FBXW11: variants seen among roughly 807,000 people sequenced by gnomAD.
FBXW11 encodes the protein F-box/WD repeat-containing protein 11.
A neutral mutation model predicts 77.6 loss-of-function variants in FBXW11; 19 were observed. The observed-to-expected ratio is 0.24, with a 90% CI of 0.17 to 0.36. The LOEUF (loss-of-function observed/expected upper bound fraction) is 0.36, where lower values mean the gene tolerates loss of function less well. Among genes scored for constraint, FBXW11 ranks in the 10% least tolerant of loss-of-function variants. FBXW11 has a pLI of 1.00. For synonymous variants in FBXW11, 235 were observed against 249.4 expected (o/e 0.94, Z 0.54); for missense variants, 334 against 704.2 (o/e 0.47, Z 5.95).
intron 2 of FBXW11, among the ~76,000 whole-genome samples, chr5:171,929,217 A>T (rs957249764): frequency 8.5e-5 from 13 of 152,128 alleles, no homozygotes; most frequent in Admixed American, 2.6e-4. Flanking sequence ...AAAAATATTT[A>T]AAAAATGAGC....
At chr5:171,889,756 C>T (rs761348059) in intron 7 of FBXW11, among the ~76,000 whole-genome samples, 58 of 151,876 alleles carry the variant, frequency 3.8e-4, no homozygotes, top group Non-Finnish European at 6.9e-4. Flanking sequence ...GGCATGGTGG[C>T]TCATGCCTAT....
intron 1 of FBXW11, among the ~76,000 whole-genome samples, chr5:171,981,832 C>T (rs60138364): frequency 0.026 from 4,003 of 152,194 alleles, 168 homozygotes; most frequent in African/African-American, 0.091. Context: ...GTTATATACT[C>T]ATATAATGCA....
intron 2 of FBXW11, among the ~76,000 whole-genome samples, chr5:171,932,983 TAGTC>T (rs1431462300): frequency 3.6e-5 from 5 of 139,708 alleles, no homozygotes; most frequent in Non-Finnish European, 7.7e-5. Flanking sequence ...AAAAAAAATT[TAGTC>T]AGGCAAGGTA....
chr5:171,997,597 A>G (rs1766137422), intron 1 of FBXW11, among the ~76,000 whole-genome samples: 3 of 152,242 alleles, frequency 2.0e-5, no homozygotes, highest in Admixed American at 1.3e-4. Flanking sequence ...TTCAAAACAT[A>G]TAACTGAAGA....
At chr5:171,912,837 G>C (rs1561676404) in intron 3 of FBXW11, among the ~76,000 whole-genome samples, 1 of 152,014 alleles carries the variant, frequency 6.6e-6, no homozygotes, top group Non-Finnish European at 1.5e-5. Flanking sequence ...TTGAACCTGG[G>C]AGGCGGAGGG....
intron 1 of FBXW11, among the ~76,000 whole-genome samples, chr5:171,966,015 GCTTGTTTCCC>G (rs1355441214): frequency 6.6e-6 from 1 of 152,062 alleles, no homozygotes; most frequent in Admixed American, 6.6e-5. Context: ...GGTAAGACAT[GCTTGTTTCCC>G]CTTTGCCTTC....
chr5:171,985,164 C>G (rs1765367382), intron 1 of FBXW11, among the ~76,000 whole-genome samples: 1 of 152,174 alleles, frequency 6.6e-6, no homozygotes, highest in Non-Finnish European at 1.5e-5. Flanking sequence ...GACATTCCAA[C>G]AGTAAATGAA....
intron 2 of FBXW11, among the ~76,000 whole-genome samples, chr5:171,939,424 G>A (rs139152518): frequency 2.1e-3 from 312 of 151,132 alleles, no homozygotes; most frequent in African/African-American, 6.8e-3. Context: ...ATCCCCAGGC[G>A]TGGTGGCTAC....
intron 2 of FBXW11, among the ~76,000 whole-genome samples, chr5:171,922,495 T>C (rs2113990720): frequency 6.6e-6 from 1 of 152,302 alleles, no homozygotes; most frequent in South Asian, 2.1e-4. Flanking sequence ...TTGTCTAAAA[T>C]AGCAGTTCCT....
At chr5:171,911,367 A>G (rs1760874688) in intron 3 of FBXW11, among the ~76,000 whole-genome samples, 1 of 152,174 alleles carries the variant, frequency 6.6e-6, no homozygotes, top group Non-Finnish European at 1.5e-5. Context: ...GGAGCCCATG[A>G]ATTTCTATTT....
chr5:171,996,784 T>C, intron 1 of FBXW11: 2 of 772,382 alleles, frequency 2.6e-6, no homozygotes, highest in Non-Finnish European at 3.6e-6. Context: ...CTAATATTTC[T>C]CCCTTTCCCT....
intron 9 of FBXW11, among the ~76,000 whole-genome samples, chr5:171,874,417 T>C: frequency 6.6e-6 from 1 of 152,210 alleles, no homozygotes; most frequent in East Asian, 1.9e-4. Flanking sequence ...GAAACAGCTA[T>C]TTTGTAATAA....
chr5:171,872,154 C>G (rs532522187), intron 10 of FBXW11, among the ~76,000 whole-genome samples: 4 of 152,096 alleles, frequency 2.6e-5, no homozygotes, highest in African/African-American at 9.7e-5. Flanking sequence ...CAATTATAAA[C>G]GCCAAAGTTT....
intron 1 of FBXW11, among the ~76,000 whole-genome samples, chr5:172,004,744 G>C (rs1246087831): frequency 2.6e-5 from 4 of 151,968 alleles, no homozygotes; most frequent in Non-Finnish European, 4.4e-5. Flanking sequence ...ATTTAAGATA[G>C]TTACCAAAAT....
rs1766800631 is a variant in FBXW11 at position 172,006,620 on chromosome 5, GC to G, written c.-119del. ...GCTATCGCACCCACTCTAGCTGCCA[GC>G]CCGCCCGGGCCGCCGGCAGCTCCGC... On this transcript the variant is annotated 5_prime_UTR_variant, in exon 1 of 14. Coordinates refer to ENST00000517395, the MANE Select transcript of FBXW11 (RefSeq NM_001378974.1). 1 of 1,302,250 alleles carries G rather than the reference GC, an allele frequency of 7.7e-7. No homozygotes were observed. The highest frequency in any genetic ancestry group is 9.8e-7 in the Non-Finnish European group (1 of 1,024,272). The allele number at this position is 1,302,250 out of a possible 1,614,324, so 80.7% of individuals were successfully genotyped here.
chr5:171,936,276 T>A lies in FBXW11; in HGVS notation c.147+21321A>T, dbSNP rs532495532. Among the ~76,000 whole-genome samples the A allele has an allele frequency of 2.6e-5, 4 of 151,922 alleles. No homozygotes were observed. In the South Asian group the frequency reaches 8.3e-4, roughly 32 times the overall value. On this transcript the variant is annotated intron_variant, in intron 2 of 13. Coordinates refer to ENST00000517395, the MANE Select transcript of FBXW11 (RefSeq NM_001378974.1). ...GGGAAGGCAAGATGGGAGGATCCCA[T>A]GAGCCAAGGAGTTCAAGACCAGCTA...
At chr5:171,969,394 C>T (rs116047111) in intron 1 of FBXW11, among the ~76,000 whole-genome samples, 2,102 of 152,298 alleles carry the variant, frequency 0.014, 56 homozygotes, top group African/African-American at 0.046. Context: ...TGTATCTTCT[C>T]TCAATAAAGG....
intron 1 of FBXW11, among the ~76,000 whole-genome samples, chr5:171,963,130 C>G (rs969299563): frequency 1.3e-5 from 2 of 152,064 alleles, no homozygotes; most frequent in Admixed American, 1.3e-4. Flanking sequence ...AAGACATTCT[C>G]TTTATTCTCC....
intron 2 of FBXW11, among the ~76,000 whole-genome samples, chr5:171,921,270 G>A (rs1255881601): frequency 1.3e-5 from 2 of 152,118 alleles, no homozygotes; most frequent in Non-Finnish European, 1.5e-5. Flanking sequence ...TTTAACATAG[G>A]AGCCACGAAC....
Sources: gnomAD v4.1 joint callset for allele counts (sites outside exome capture counted in the v4.1 genomes callset) on GRCh38, gnomAD v4.1.1 for gene constraint, MANE v1.5 for transcripts, NCBI Gene and HGNC (gene_info 2026-07-23, HGNC 2026-07-21) for gene names.